The following ADGRL2 variants were observed in gnomAD, a reference collection of about 807,000 sequenced individuals.
ADGRL2 encodes the protein adhesion G protein-coupled receptor L2.
In ADGRL2, 44 loss-of-function variants were observed where a neutral mutation model predicts 157.4. The ratio of observed to expected loss-of-function variants is 0.28; its 90% CI spans 0.22 to 0.36. The LOEUF is 0.36. ADGRL2 is among the 10% of genes least tolerant of loss of function. The pLI is 1.00. For synonymous variants in ADGRL2, 585 were observed against 624.7 expected, an observed-to-expected ratio of 0.94 and a Z score of 0.95; for missense variants, 1,510 against 1,768.9, an observed-to-expected ratio of 0.85 and a Z score of 2.63.
chr1:81,499,799 C>T (rs6691792), intron 2 of ADGRL2, among the ~76,000 whole-genome samples: 38,529 of 152,064 alleles, frequency 0.25, 6,068 homozygotes, highest in African/African-American at 0.44. Context: ...TTCAGATAGT[C>T]GTTTTATATT....
At chr1:81,757,316 A>T (rs1439588390) in intron 1 of ADGRL2, among the ~76,000 whole-genome samples, 1 of 152,194 alleles carries the variant, frequency 6.6e-6, no homozygotes, top group Non-Finnish European at 1.5e-5. Context: ...GTGTTAAAGC[A>T]AACTAAATAT....
intron 3 of ADGRL2, among the ~76,000 whole-genome samples, chr1:81,635,274 A>T (rs2082094059): frequency 6.6e-6 from 1 of 152,104 alleles, no homozygotes; most frequent in African/African-American, 2.4e-5. Context: ...CTTCCCAAAT[A>T]AACTACCTGC....
intron 2 of ADGRL2, chr1:81,502,972 A>G (rs1174175605): frequency 6.8e-6 from 11 of 1,613,238 alleles, no homozygotes; most frequent in African/African-American, 2.7e-5. Context: ...CCCAGTGACA[A>G]CAGTGGCTGT....
chr1:81,573,936 A>T (rs749072871), intron 2 of ADGRL2, among the ~76,000 whole-genome samples: 1 of 152,158 alleles, frequency 6.6e-6, no homozygotes. Context: ...AGAAGTCTCT[A>T]ATTGAATTGG....
At chr1:81,588,827 A>C (rs2148578595) in intron 3 of ADGRL2, among the ~76,000 whole-genome samples, 1 of 152,268 alleles carries the variant, frequency 6.6e-6, no homozygotes, top group African/African-American at 2.4e-5. Context: ...CAATACAGTA[A>C]CTTTTTGTGC....
At chr1:81,405,909 A>G (rs2076846099) in intron 1 of ADGRL2, among the ~76,000 whole-genome samples, 1 of 152,138 alleles carries the variant, frequency 6.6e-6, no homozygotes, top group Non-Finnish European at 1.5e-5. Flanking sequence ...TTATCTCCTC[A>G]TAAAAAGTTA....
intron 3 of ADGRL2, among the ~76,000 whole-genome samples, chr1:81,631,528 C>T (rs111847206): frequency 0.012 from 1,778 of 152,238 alleles, 29 homozygotes; most frequent in African/African-American, 0.039. Context: ...CTTTGAACAG[C>T]AAAGTCTAGT....
chr1:81,344,687 A>AT (rs1662347187), intron 1 of ADGRL2, among the ~76,000 whole-genome samples: 5 of 151,596 alleles, frequency 3.3e-5, no homozygotes, highest in Admixed American at 1.3e-4. Context: ...AAAAAAAAAA[A>AT]AAAGCAGATT....
At chr1:81,599,305 A>T (rs1324870103) in intron 3 of ADGRL2, among the ~76,000 whole-genome samples, 1 of 152,194 alleles carries the variant, frequency 6.6e-6, no homozygotes, top group African/African-American at 2.4e-5. Flanking sequence ...GACTGTGGTG[A>T]ATAAGGGCCT....
At chr1:81,507,854 G>A (rs1377807432) in intron 2 of ADGRL2, among the ~76,000 whole-genome samples, 2 of 152,150 alleles carry the variant, frequency 1.3e-5, no homozygotes, top group African/African-American at 4.8e-5. Context: ...AATATTTTCT[G>A]CCTTTAGAGC....
intron 6 of ADGRL2, among the ~76,000 whole-genome samples, chr1:81,949,012 T>C (rs10518659): frequency 0.08 from 12,239 of 152,282 alleles, 568 homozygotes; most frequent in African/African-American, 0.14. Flanking sequence ...AGTGATAATA[T>C]GAACTTGTTT....
intron 3 of ADGRL2, among the ~76,000 whole-genome samples, chr1:81,631,934 G>T (rs2148758790): frequency 6.6e-6 from 1 of 152,076 alleles, no homozygotes; most frequent in Non-Finnish European, 1.5e-5. Flanking sequence ...TTAAATCTGG[G>T]CTCTGACATT....
At chr1:81,331,573 C>T (rs149887176) in intron 1 of ADGRL2, among the ~76,000 whole-genome samples, 7 of 152,146 alleles carry the variant, frequency 4.6e-5, no homozygotes, top group African/African-American at 1.7e-4. Flanking sequence ...TTTACTCCCT[C>T]GCTACTGGAA....
intron 1 of ADGRL2, among the ~76,000 whole-genome samples, chr1:81,430,796 C>T (rs904289882): frequency 1.3e-5 from 2 of 152,136 alleles, no homozygotes; most frequent in Non-Finnish European, 1.5e-5. Flanking sequence ...TAAGCTCTGG[C>T]TTAAGACGTG....
chr1:81,621,333 G>A (rs891835023), intron 3 of ADGRL2, among the ~76,000 whole-genome samples: 2 of 152,286 alleles, frequency 1.3e-5, no homozygotes, highest in Middle Eastern at 3.4e-3. Flanking sequence ...CTGCCCTTGA[G>A]CATATGCAGG....
At chr1:81,804,042 A>C (rs1353901256) in intron 1 of ADGRL2, among the ~76,000 whole-genome samples, 5 of 152,234 alleles carry the variant, frequency 3.3e-5, no homozygotes, top group Non-Finnish European at 7.3e-5. Flanking sequence ...ATATGCATCC[A>C]GAGCAGAAAA....
At chr1:81,847,174 C>T (rs994280535) in intron 2 of ADGRL2, among the ~76,000 whole-genome samples, 6 of 151,536 alleles carry the variant, frequency 4.0e-5, no homozygotes, top group Admixed American at 6.6e-5. Context: ...TGTGTACAGC[C>T]GCAGAAGAAA....
At chr1:81,874,583 CT>C (rs1325454453) in intron 2 of ADGRL2, among the ~76,000 whole-genome samples, 1 of 151,810 alleles carries the variant, frequency 6.6e-6, no homozygotes, top group Non-Finnish European at 1.5e-5. Context: ...AGTTTTCTTT[CT>C]TTCTGTCTGT....
intron 3 of ADGRL2, among the ~76,000 whole-genome samples, chr1:81,633,595 CAAAAAAA>C (rs369967142): frequency 8.0e-5 from 4 of 50,274 alleles, no homozygotes; most frequent in Non-Finnish European, 1.4e-4. Context: ...GACTCTGTCT[CAAAAAAA>C]AAAAAAAAAA....
Sources: gnomAD v4.1 joint callset for allele counts (sites outside exome capture counted in the v4.1 genomes callset) on GRCh38, gnomAD v4.1.1 for gene constraint, MANE v1.5 for transcripts, NCBI Gene and HGNC (gene_info 2026-07-23, HGNC 2026-07-21) for gene names.